WWOX: variants seen among roughly 807,000 people sequenced by gnomAD.
The protein encoded by WWOX is WW domain-containing oxidoreductase.
WWOX carries 69 observed loss-of-function variants against 46.2 expected under a neutral mutation model. The ratio of observed to expected loss-of-function variants is 1.49; its 90% CI spans 1.23 to 1.82. The LOEUF (loss-of-function observed/expected upper bound fraction) is 1.82. Ranked by LOEUF, WWOX falls within the 40% of genes most tolerant of loss-of-function variation. The pLI is 0.00. For missense variants in WWOX, 919 were observed against 542.6 expected, an observed-to-expected ratio of 1.69 and a Z score of -6.89; for synonymous variants, 359 against 202.6, an observed-to-expected ratio of 1.77 and a Z score of -6.56.
intron 8 of WWOX, among the ~76,000 whole-genome samples, chr16:78,707,168 A>G (rs1353918220): frequency 6.6e-6 from 1 of 152,130 alleles, no homozygotes; most frequent in African/African-American, 2.4e-5. Context: ...TAAAGGGTTT[A>G]TTTTTATTTT....
At chr16:78,630,380 T>A (rs1486295629) in intron 8 of WWOX, among the ~76,000 whole-genome samples, 1 of 152,118 alleles carries the variant, frequency 6.6e-6, no homozygotes, top group Non-Finnish European at 1.5e-5. Flanking sequence ...CTAGACTGCT[T>A]GTACCAAAAA....
At chr16:78,796,234 C>T (rs889776491) in intron 8 of WWOX, among the ~76,000 whole-genome samples, 1 of 152,196 alleles carries the variant, frequency 6.6e-6, no homozygotes, top group Non-Finnish European at 1.5e-5. Context: ...TATAGACATT[C>T]AGCAACTGGC....
At chr16:78,616,257 C>T (rs2046022232) in intron 8 of WWOX, among the ~76,000 whole-genome samples, 1 of 151,784 alleles carries the variant, frequency 6.6e-6, no homozygotes, top group Admixed American at 6.6e-5. Flanking sequence ...GGATGTTTGT[C>T]TTAGTTTTTT....
At chr16:79,144,031 G>A (rs2050139377) in intron 8 of WWOX, among the ~76,000 whole-genome samples, 1 of 152,172 alleles carries the variant, frequency 6.6e-6, no homozygotes, top group Non-Finnish European at 1.5e-5. Context: ...CTGAGTAGCT[G>A]TGACTACAGG....
At chr16:78,488,225 C>A (rs756783443) in intron 8 of WWOX, among the ~76,000 whole-genome samples, 1 of 152,084 alleles carries the variant, frequency 6.6e-6, no homozygotes, top group Non-Finnish European at 1.5e-5. Flanking sequence ...TATCCTGGTA[C>A]GCTGGAAGTT....
chr16:79,167,222 A>G (rs2050612339), intron 8 of WWOX, among the ~76,000 whole-genome samples: 1 of 152,234 alleles, frequency 6.6e-6, no homozygotes, highest in East Asian at 1.9e-4. Context: ...GATAACAGGC[A>G]TGAACCACCA....
intron 1 of WWOX, among the ~76,000 whole-genome samples, chr16:78,106,574 G>T (rs566504831): frequency 3.4e-4 from 52 of 151,946 alleles, no homozygotes; most frequent in African/African-American, 1.3e-3. Context: ...GTGCCACCAC[G>T]CCAGGCTAAT....
chr16:78,907,353 G>C (rs1009917170), intron 8 of WWOX, among the ~76,000 whole-genome samples: 1 of 152,166 alleles, frequency 6.6e-6, no homozygotes, highest in African/African-American at 2.4e-5. Context: ...GTTATCTGCA[G>C]GAATAATTGG....
At chr16:78,525,845 T>TAAAA (rs34766715) in intron 8 of WWOX, 2 of 145,984 alleles carry the variant, frequency 1.4e-5, no homozygotes, top group African/African-American at 5.1e-5. Flanking sequence ...CACACTGCTT[T>TAAAA]AAAAAAAAAA....
intron 8 of WWOX, among the ~76,000 whole-genome samples, chr16:78,826,357 C>A (rs983531350): frequency 6.6e-6 from 1 of 152,186 alleles, no homozygotes; most frequent in Non-Finnish European, 1.5e-5. Context: ...AAAACAACAG[C>A]AACAGAAATG....
chr16:78,817,945 A>G (rs1454254505), intron 8 of WWOX, among the ~76,000 whole-genome samples: 1 of 151,132 alleles, frequency 6.6e-6, no homozygotes, highest in Admixed American at 6.6e-5. Flanking sequence ...TTTGTTGTGA[A>G]GAACACGTGC....
chr16:79,162,652 T>C (rs1161103227), intron 8 of WWOX, among the ~76,000 whole-genome samples: 1 of 152,154 alleles, frequency 6.6e-6, no homozygotes, highest in Non-Finnish European at 1.5e-5. Flanking sequence ...GTCTTCTGCT[T>C]TCATCCTTAT....
chr16:78,398,025 T>G (rs2082327889), intron 6 of WWOX, among the ~76,000 whole-genome samples: 1 of 152,252 alleles, frequency 6.6e-6, no homozygotes, highest in Non-Finnish European at 1.5e-5. Flanking sequence ...TTTATACATT[T>G]ACTGTGAATG....
intron 8 of WWOX, among the ~76,000 whole-genome samples, chr16:78,726,376 C>T (rs1220043028): frequency 6.6e-6 from 1 of 151,922 alleles, no homozygotes; most frequent in Non-Finnish European, 1.5e-5. Flanking sequence ...CAGGTATGCA[C>T]CACCACACGT....
chr16:78,936,997 C>T (rs530860237), intron 8 of WWOX, among the ~76,000 whole-genome samples: 3 of 152,218 alleles, frequency 2.0e-5, no homozygotes, highest in Non-Finnish European at 2.9e-5. Flanking sequence ...TTTGGGAATA[C>T]GGTCATATAC....
chr16:78,512,819 A>G (rs2085394431), intron 8 of WWOX, among the ~76,000 whole-genome samples: 1 of 152,264 alleles, frequency 6.6e-6, no homozygotes. Context: ...ATTTAAAAAC[A>G]GAAACAGAGC....
intron 8 of WWOX, among the ~76,000 whole-genome samples, chr16:78,799,027 C>A (rs992713652): frequency 3.9e-5 from 6 of 152,166 alleles, no homozygotes; most frequent in Non-Finnish European, 7.3e-5. Flanking sequence ...CGGTGGGATG[C>A]ATTTCATTTA....
chr16:78,333,920 C>G (rs189105555), intron 5 of WWOX, among the ~76,000 whole-genome samples: 3 of 148,584 alleles, frequency 2.0e-5, no homozygotes, highest in East Asian at 2.0e-4. Context: ...TCTCCTCCCC[C>G]TCTTCTTCTC....
chr16:78,668,630 T>C (rs929037458), intron 8 of WWOX, among the ~76,000 whole-genome samples: 1 of 151,716 alleles, frequency 6.6e-6, no homozygotes, highest in African/African-American at 2.4e-5. Flanking sequence ...GGTGAAGGAG[T>C]GACAGCAGGG....
Sources: gnomAD v4.1 joint callset for allele counts (sites outside exome capture counted in the v4.1 genomes callset) on GRCh38, gnomAD v4.1.1 for gene constraint, MANE v1.5 for transcripts, NCBI Gene and HGNC (gene_info 2026-07-23, HGNC 2026-07-21) for gene names.